Variants in GALNT18 observed in about 807,000 individuals in gnomAD.
GALNT18 encodes GalNAc-transferase 18.
A neutral mutation model predicts 69.5 loss-of-function variants in GALNT18; 44 were observed. The ratio of observed to expected loss-of-function variants is 0.63; its 90% CI spans 0.50 to 0.81. The LOEUF (loss-of-function observed/expected upper bound fraction) is 0.81. Ranked by LOEUF, GALNT18 falls within the 40% of genes least tolerant of loss-of-function variation. The probability of loss-of-function intolerance (pLI) is 0.00; values close to 1 mark genes in which losing one functional copy is unlikely to be tolerated. For synonymous variants in GALNT18, 364 were observed against 318.2 expected (o/e 1.14, Z -1.53); for missense variants, 715 against 810.0 (o/e 0.88, Z 1.42).
chr11:11,590,335 C>T lies in GALNT18; in HGVS notation c.235+31024G>A, dbSNP rs1590123224. Among the ~76,000 whole-genome samples the T allele has an allele frequency of 6.6e-6, 1 of 152,216 alleles. No individual in the cohort carries two copies. ...GGGTCACGCAGAAAGCGACAGGGCC[C>T]AAGCCTATGTCCTTGGATGGAAGGA... On this transcript the variant is annotated intron_variant, in intron 1 of 10. Coordinates refer to ENST00000227756, the MANE Select transcript of GALNT18 (RefSeq NM_198516.3). The surrounding 1 kb of genome is among the most constrained non-coding windows in gnomAD (Gnocchi z 4.4).
chr11:11,558,244 A>C (rs971947168), intron 1 of GALNT18, among the ~76,000 whole-genome samples: 1 of 152,136 alleles, frequency 6.6e-6, no homozygotes, highest in Non-Finnish European at 1.5e-5. Flanking sequence ...TTAATGTGGT[A>C]GGGTTTTTTT....
chr11:11,442,291 G>C (rs1230483470), intron 2 of GALNT18, among the ~76,000 whole-genome samples: 1 of 152,050 alleles, frequency 6.6e-6, no homozygotes, highest in African/African-American at 2.4e-5. Flanking sequence ...GTTAGATTGG[G>C]CCCAGCCAAT....
At chr11:11,566,203 T>C (rs1229784414) in intron 1 of GALNT18, among the ~76,000 whole-genome samples, 2 of 152,196 alleles carry the variant, frequency 1.3e-5, no homozygotes, top group Non-Finnish European at 1.5e-5. Context: ...AAGAGTCAAA[T>C]AGTAAAATAT....
rs2133945268 is a variant in GALNT18, at chr11:11,600,902, G to T, written c.235+20457C>A. ...TTCAAATTTGCTGATACTTTCTTCT[G>T]CCAACTCAAATATATTTTTAAGTGC... On this transcript the variant is annotated intron_variant, in intron 1 of 10. Transcript: ENST00000227756. This position sits in a 1 kb window ranked among gnomAD's most constrained non-coding sequence, Gnocchi z 4.8. Among the ~76,000 whole-genome samples the T allele has an allele frequency of 6.6e-6, 1 of 151,702 alleles. No homozygotes were observed. The highest frequency in any genetic ancestry group is 1.9e-4 in the East Asian group (1 of 5,156).
intron 1 of GALNT18, among the ~76,000 whole-genome samples, chr11:11,556,239 G>A (rs2133975905): frequency 6.6e-6 from 1 of 152,322 alleles, no homozygotes; most frequent in African/African-American, 2.4e-5. Context: ...TAAGGAGTCA[G>A]CCATCAGGAC....
chr11:11,457,311 T>C (rs1855945843), intron 1 of GALNT18, among the ~76,000 whole-genome samples: 1 of 152,238 alleles, frequency 6.6e-6, no homozygotes, highest in Non-Finnish European at 1.5e-5. Context: ...ACCAGATCCC[T>C]GCAGATCCCC....
Position 11,523,689 on chromosome 11 carries a change from A to G in GALNT18, c.236-74753T>C, listed in dbSNP as rs1371539741. On this transcript the variant is annotated intron_variant, in intron 1 of 10. Coordinates refer to ENST00000227756, the MANE Select transcript of GALNT18 (RefSeq NM_198516.3). The surrounding 1 kb of genome is among the most constrained non-coding windows in gnomAD (Gnocchi z 4.3). ...AGCCGAGATCGCACCACTGCACTCC[A>G]GCCTGGGCAACAGAGCGAGACTCCA... Among the ~76,000 whole-genome samples the G allele has an allele frequency of 2.6e-5, 4 of 151,722 alleles. No homozygotes were observed. In the East Asian group the frequency reaches 7.7e-4, roughly 29 times the overall value.
At position 11,598,300 on chromosome 11, in the gene GALNT18, A is replaced by G. The variant is rs1859550315; in HGVS notation, c.235+23059T>C. Among the ~76,000 whole-genome samples, 1 of 152,230 alleles carries G rather than the reference A, an allele frequency of 6.6e-6. No homozygotes were observed. Among genetic ancestry groups the G allele is most frequent in the South Asian group, 2.1e-4 (1 of 4,824 alleles). On this transcript the variant is annotated intron_variant, in intron 1 of 10. Transcript: ENST00000227756. This position sits in a 1 kb window ranked among gnomAD's most constrained non-coding sequence, Gnocchi z 4.8. ...AACAACAGAAACTTATTCTCTAACA[A>G]TTCTGGAGGCCAGAAGTCCAAAATT...
chr11:11,271,313 G>A (rs1848822061), intron 10 of GALNT18, 23 bp from the exon 11 acceptor site: 3 of 1,607,496 alleles, frequency 1.9e-6, no homozygotes, highest in South Asian at 1.1e-5. Context: ...GCAGACAGTG[G>A]GGTCAGAGGG....
In GALNT18 at chr11:11,413,112, A is replaced by C. The variant is rs536962243; in HGVS notation, c.595+19509T>G. Among the ~76,000 whole-genome samples the C allele has an allele frequency of 7.8e-4, 119 of 152,294 alleles. No individual in the cohort carries two copies. Among genetic ancestry groups the C allele is most frequent in the South Asian group, 1.5e-3 (7 of 4,824 alleles). The stretch of plus-strand genomic sequence containing the variant: ...TGTCTTATCTCCCTACCCCACTGGC[A>C]TATCTTGAACTTCCTGAATAAACTG... On this transcript the variant is annotated intron_variant, in intron 3 of 10. Coordinates refer to ENST00000227756, the MANE Select transcript of GALNT18 (RefSeq NM_198516.3). The surrounding 1 kb of genome is among the most constrained non-coding windows in gnomAD (Gnocchi z 4.7).
rs1855383805 is a variant in GALNT18 at position 11,435,747 on chromosome 11, T to A, written c.429-2960A>T. On this transcript the variant is annotated intron_variant, in intron 2 of 10. Transcript: ENST00000227756. This position sits in a 1 kb window ranked among gnomAD's most constrained non-coding sequence, Gnocchi z 4.4. ...TGCCGCTGATGTCAGACTGCTCCTT[T>A]TTCTTACAAACCTCCTCCCTTGGAA... is the stretch of plus-strand genomic sequence containing the variant. Among the ~76,000 whole-genome samples, 1 of 152,168 alleles carries A rather than the reference T, an allele frequency of 6.6e-6. No individual in the cohort carries two copies. Among genetic ancestry groups the A allele is most frequent in the Non-Finnish European group, 1.5e-5 (1 of 68,032 alleles).
Position 11,541,154 on chromosome 11 carries a change from T to C in GALNT18, c.235+80205A>G, listed in dbSNP as rs111551609. ...ATGGGGATGACACTGTGGCTGCTGA[T>C]GTTTCTCACTGCCCAACTCTGTACC... On this transcript the variant is annotated intron_variant, in intron 1 of 10. Coordinates refer to ENST00000227756, the MANE Select transcript of GALNT18 (RefSeq NM_198516.3). The surrounding 1 kb of genome is among the most constrained non-coding windows in gnomAD (Gnocchi z 4.8). Among the ~76,000 whole-genome samples, 1 of 152,198 alleles carries C rather than the reference T, an allele frequency of 6.6e-6. No homozygotes were observed. The highest frequency in any genetic ancestry group is 2.4e-5 in the African/African-American group (1 of 41,446).
intron 1 of GALNT18, among the ~76,000 whole-genome samples, chr11:11,468,652 G>T (rs1856205248): frequency 6.6e-6 from 1 of 152,088 alleles, no homozygotes; most frequent in African/African-American, 2.4e-5. Flanking sequence ...AGGATCTCAG[G>T]GACTCTTCAT....
chr11:11,291,477 A>AGTAAGTACTGTATGAAT (rs1320131018), intron 10 of GALNT18, among the ~76,000 whole-genome samples: 4 of 105,774 alleles, frequency 3.8e-5, no homozygotes, highest in African/African-American at 7.9e-5. Context: ...CCTGACACAT[A>AGTAAGTACTGTATGAAT]GTAAGTACTG....
At chr11:11,451,389 G>T (rs1855795455) in intron 1 of GALNT18, among the ~76,000 whole-genome samples, 1 of 152,128 alleles carries the variant, frequency 6.6e-6, no homozygotes, top group Non-Finnish European at 1.5e-5. Flanking sequence ...TCAGTTAATG[G>T]AAAATTATGA....
At chr11:11,390,585 G>A (rs866231764) in intron 3 of GALNT18, among the ~76,000 whole-genome samples, 15 of 152,192 alleles carry the variant, frequency 9.9e-5, no homozygotes, top group Admixed American at 5.2e-4. Flanking sequence ...AGGGGCCTCA[G>A]CCTGGCTGAT....
Position 11,421,011 on chromosome 11 carries a change from C to T in GALNT18, c.595+11610G>A, listed in dbSNP as rs1589987257. 6.6e-6 allele frequency among the ~76,000 whole-genome samples: 1 copy of T among 152,178 alleles called. No homozygotes were observed. The highest frequency in any genetic ancestry group is 1.5e-5 in the Non-Finnish European group (1 of 68,020). On this transcript the variant is annotated intron_variant, in intron 3 of 10. Transcript: ENST00000227756. The surrounding 1 kb of genome is among the most constrained non-coding windows in gnomAD (Gnocchi z 5.6). ...AGCAAAATGGTACAGAGCCCTCTTGCTGTAGATTGCTACAGGGAGCTCATG... is the reference window on the plus strand; with the variant it reads ...AGCAAAATGGTACAGAGCCCTCTTGTTGTAGATTGCTACAGGGAGCTCATG...
chr11:11,353,059 G>C (rs755996286), intron 6 of GALNT18: 1 of 1,614,012 alleles, frequency 6.2e-7, no homozygotes, highest in Non-Finnish European at 8.5e-7. Context: ...CAGTATTCTC[G>C]AGGTCTGTGT....
rs1357462875 is a variant in GALNT18 at position 11,292,899 on chromosome 11, C to A, written c.1677+130G>T. On this transcript the variant is annotated intron_variant, in intron 10 of 10. Transcript: ENST00000227756. ...CCTGAGAAGCAAAGCAGTCTGGAGC[C>A]ACAGCCTCACTACTGCCAGTCTGTC... 5.0e-6 allele frequency: 4 copies of A among 797,444 alleles called. No individual in the cohort carries two copies. In the African/African-American group the frequency reaches 5.3e-5, roughly 11 times the overall value. The allele number at this position is 797,444 out of a possible 1,614,324, so 49.4% of individuals were successfully genotyped here. A position where few individuals can be genotyped will look rare whatever the true frequency, so the allele number is the denominator to read the frequency against.
Sources: allele counts gnomAD v4.1 joint callset (sites outside exome capture counted in the v4.1 genomes callset), GRCh38; gene constraint gnomAD v4.1.1; non-coding constraint Gnocchi (gnomAD v3.1); transcripts MANE v1.5; gene names NCBI Gene and HGNC (gene_info 2026-07-23, HGNC 2026-07-21).